Variants in PBX1 observed in about 807,000 individuals in gnomAD.
PBX1 encodes the protein pre-B-cell leukemia transcription factor 1.
In PBX1, 6 loss-of-function variants were observed where a neutral mutation model predicts 53.4. That is an observed-to-expected ratio of 0.11 (90% CI 0.06 to 0.22). The LOEUF (loss-of-function observed/expected upper bound fraction) is 0.22. Ranked by LOEUF, PBX1 falls within the 10% of genes least tolerant of loss-of-function variation. The probability of loss-of-function intolerance (pLI) is 1.00; values close to 1 mark genes in which losing one functional copy is unlikely to be tolerated. For missense variants in PBX1, 251 were observed against 551.4 expected, an observed-to-expected ratio of 0.46 and a Z score of 5.46; for synonymous variants, 204 against 212.3, an observed-to-expected ratio of 0.96 and a Z score of 0.34.
intron 3 of PBX1, among the ~76,000 whole-genome samples, chr1:164,796,827 A>T (rs1571424756): frequency 6.6e-6 from 1 of 152,226 alleles, no homozygotes; most frequent in East Asian, 1.9e-4. Context: ...CTCTGTTGAG[A>T]AACATTCAGC....
intron 2 of PBX1, among the ~76,000 whole-genome samples, chr1:164,687,468 G>A (rs1370133242): frequency 6.6e-6 from 1 of 151,176 alleles, no homozygotes; most frequent in Non-Finnish European, 1.5e-5. Context: ...AGGCTGAGAT[G>A]GGAGGATCCA....
chr1:164,828,662 A>C (rs1486744636), intron 8 of PBX1: 11 of 150,802 alleles, frequency 7.3e-5, no homozygotes, highest in African/African-American at 2.2e-4. Flanking sequence ...AAAAATCACA[A>C]CCTCAAAGGG....
chr1:164,602,709 GAA>G (rs113484614), intron 2 of PBX1, among the ~76,000 whole-genome samples: 9 of 118,236 alleles, frequency 7.6e-5, no homozygotes, highest in East Asian at 2.6e-4. Context: ...CAAACAGATT[GAA>G]AAAAAAAAAA....
intron 8 of PBX1, among the ~76,000 whole-genome samples, chr1:164,827,877 C>T (rs1363884496): frequency 6.6e-6 from 1 of 152,162 alleles, no homozygotes; most frequent in Admixed American, 6.5e-5. Context: ...AATGAAGCTA[C>T]ATCATGGTAC....
intron 8 of PBX1, among the ~76,000 whole-genome samples, chr1:164,833,762 A>G (rs1670884582): frequency 6.6e-6 from 1 of 151,942 alleles, no homozygotes; most frequent in Admixed American, 6.6e-5. Flanking sequence ...TTTTGTGTGT[A>G]TGTTTTTTTA....
Position 164,851,585 on chromosome 1 carries a change from T to C in PBX1, c.*4909T>C, listed in dbSNP as rs755609686. 5.3e-5 allele frequency: 10 copies of C among 187,522 alleles called. No homozygotes were observed. The highest frequency in any genetic ancestry group is 7.9e-5 in the Non-Finnish European group (7 of 88,916). 11.6% of individuals were successfully genotyped at this position (187,522 alleles called of 1,614,324 possible). On this transcript the variant is annotated 3_prime_UTR_variant, in exon 9 of 9. Transcript: ENST00000420696. ...AATGCTTTCCTTTGGTTGTTGGTTTTATTCTCCCCCTACCCCTCCCCTTTT... is the reference window on the plus strand; with the variant it reads ...AATGCTTTCCTTTGGTTGTTGGTTTCATTCTCCCCCTACCCCTCCCCTTTT...
chr1:164,610,282 TC>T (rs1656825120), intron 2 of PBX1, among the ~76,000 whole-genome samples: 1 of 152,014 alleles, frequency 6.6e-6, no homozygotes, highest in Non-Finnish European at 1.5e-5. Context: ...CATGAGCCCC[TC>T]CCCTTCTCAC....
chr1:164,871,045 G>T (rs1045887952), intron 2 of PBX1, among the ~76,000 whole-genome samples: 13 of 152,196 alleles, frequency 8.5e-5, no homozygotes, highest in African/African-American at 3.1e-4. Flanking sequence ...AGCCCCTATG[G>T]CATACCCTGC....
chr1:164,859,132 G>A (rs1268243604), intron 2 of PBX1, among the ~76,000 whole-genome samples: 1 of 152,208 alleles, frequency 6.6e-6, no homozygotes, highest in Non-Finnish European at 1.5e-5. Flanking sequence ...TTTTATTGAT[G>A]ACAGAAGGGA....
chr1:164,631,663 A>G (rs771820782), intron 2 of PBX1, among the ~76,000 whole-genome samples: 9 of 152,246 alleles, frequency 5.9e-5, no homozygotes, highest in Non-Finnish European at 1.2e-4. Context: ...TAGATAATAT[A>G]TAAACAAGAC....
intron 2 of PBX1, among the ~76,000 whole-genome samples, chr1:164,569,780 CA>C (rs1057120531): frequency 5.9e-5 from 9 of 151,968 alleles, no homozygotes; most frequent in African/African-American, 2.2e-4. Context: ...AGGCTGGTCT[CA>C]AACTCCTGAT....
intron 2 of PBX1, among the ~76,000 whole-genome samples, chr1:164,677,899 G>A (rs74117973): frequency 0.013 from 1,915 of 152,152 alleles, 39 homozygotes; most frequent in African/African-American, 0.044. Flanking sequence ...TGGAGAGGAG[G>A]CAAAGGGAAT....
chr1:164,855,498 G>A (rs72698331), downstream of PBX1, among the ~76,000 whole-genome samples: 1,944 of 152,190 alleles, frequency 0.013, 19 homozygotes, highest in Middle Eastern at 0.054. Context: ...AAAGTCACTT[G>A]GTAGGCATTT....
chr1:164,675,244 A>C (rs1301233070), intron 2 of PBX1, among the ~76,000 whole-genome samples: 2 of 152,046 alleles, frequency 1.3e-5, no homozygotes, highest in African/African-American at 4.8e-5. Context: ...TAGAAATATA[A>C]ATTTCCTTCT....
chr1:164,662,701 A>G (rs1299413131), intron 2 of PBX1, among the ~76,000 whole-genome samples: 3 of 152,286 alleles, frequency 2.0e-5, no homozygotes, highest in East Asian at 3.9e-4. Flanking sequence ...GCCTTTGTTC[A>G]TGCTCAAGCA....
chr1:164,814,762 CA>C (rs886927024), intron 6 of PBX1: 3 of 154,370 alleles, frequency 1.9e-5, no homozygotes, highest in South Asian at 2.0e-4. Flanking sequence ...AACAAACAAA[CA>C]AAAAAACCAA....
chr1:164,732,078 C>A (rs74121204), intron 2 of PBX1, among the ~76,000 whole-genome samples: 6,550 of 152,242 alleles, frequency 0.043, 258 homozygotes, highest in East Asian at 0.13. Flanking sequence ...ACCAGCCTTT[C>A]CCAGCAAGTG....
At position 164,635,289 on chromosome 1, in the gene PBX1, C is replaced by T. The variant is rs544274722; in HGVS notation, c.265+71978C>T. On this transcript the variant is annotated intron_variant, in intron 2 of 8. Transcript: ENST00000420696. ...TGTCATTTGAATTTGCTGCTGCCAC[C>T]GCTGCCACCATGGTATCTGTTTTAA... Among the ~76,000 whole-genome samples the T allele has an allele frequency of 2.3e-3, 352 of 152,116 alleles. 1 individual carries two copies. Among genetic ancestry groups the T allele is most frequent in the Non-Finnish European group, 3.6e-3 (246 of 68,006 alleles).
chr1:164,821,613 C>A lies in PBX1; in HGVS notation c.1187C>A (p.Pro396Gln). Reference protein sequence around the residue: ...DGLAASQMYSPQGISANGGWQ... With the variant: ...DGLAASQMYSQQGISANGGWQ... ...CTCGCAGCCAGTCAGATGTACAGTC[C>A]GCAGGGCATCAGTGTAAGAAAACAA... Residue 396 changes from proline to glutamine, a missense_variant, in exon 8 of 9, where the codon CCG becomes CAG. By Grantham distance (76) the Pro-to-Gln change is moderately conservative. Coordinates refer to ENST00000420696, the MANE Select transcript of PBX1 (RefSeq NM_002585.4). 6.2e-7 allele frequency: 1 copy of A among 1,613,482 alleles called. No individual in the cohort carries two copies. The highest frequency in any genetic ancestry group is 8.5e-7 in the Non-Finnish European group (1 of 1,179,456).
Sources: allele counts gnomAD v4.1 joint callset (sites outside exome capture counted in the v4.1 genomes callset), GRCh38; gene constraint gnomAD v4.1.1; transcripts MANE v1.5; gene names NCBI Gene and HGNC (gene_info 2026-07-23, HGNC 2026-07-21).